Variants in CEP63 observed in about 807,000 individuals in gnomAD.
CEP63 encodes centrosomal protein 63, also known as centrosomal protein of 63 kDa.
CEP63 carries 84 observed loss-of-function variants against 89.1 expected under a neutral mutation model. The ratio of observed to expected loss-of-function variants is 0.94; its 90% CI spans 0.79 to 1.13. CEP63 has a LOEUF of 1.13. Among genes scored for constraint, CEP63 ranks in the 50% most tolerant of loss-of-function variants. The pLI, the probability that CEP63 is intolerant of heterozygous loss-of-function variation, is 0.00. For missense variants in CEP63, 838 were observed against 813.3 expected, an observed-to-expected ratio of 1.03 and a Z score of -0.37; for synonymous variants, 267 against 272.5, an observed-to-expected ratio of 0.98 and a Z score of 0.20.
the CEP63 span, among the ~76,000 whole-genome samples, chr3:134,767,334 T>C: frequency 3.3e-5 from 5 of 152,238 alleles, no homozygotes; most frequent in African/African-American, 1.2e-4. Flanking sequence ...TGAATTACCT[T>C]CCCCCTTCAA....
the CEP63 span, among the ~76,000 whole-genome samples, chr3:134,652,657 C>CAT: frequency 1.7e-5 from 2 of 116,870 alleles, no homozygotes; most frequent in African/African-American, 5.8e-5. Flanking sequence ...CACACACACA[C>CAT]GCGCGCGCGC....
At chr3:134,607,036 T>A in the CEP63 span, 5 of 985,136 alleles carry the variant, frequency 5.1e-6, no homozygotes, top group Non-Finnish European at 6.0e-6. Context: ...TTTAGATTTC[T>A]ATAAATTAAG....
chr3:134,650,932 A>G, the CEP63 span: 1 of 1,613,324 alleles, frequency 6.2e-7, no homozygotes, highest in Non-Finnish European at 8.5e-7. Context: ...GTCGATAGAT[A>G]CAGCGTTGAT....
At chr3:134,507,503 A>G (rs972995631) in intron 3 of CEP63, among the ~76,000 whole-genome samples, 9 of 152,194 alleles carry the variant, frequency 5.9e-5, no homozygotes, top group African/African-American at 2.2e-4. Context: ...TTGGTTACAT[A>G]TAATATATAC....
chr3:134,719,871 C>T, the CEP63 span, among the ~76,000 whole-genome samples: 1 of 152,178 alleles, frequency 6.6e-6, no homozygotes, highest in Non-Finnish European at 1.5e-5. Flanking sequence ...ATCAACTCAT[C>T]AACGAATGAA....
At chr3:134,507,455 A>G (rs1452799409) in intron 3 of CEP63, among the ~76,000 whole-genome samples, 169 bp downstream of exon 3, 1 of 152,194 alleles carries the variant, frequency 6.6e-6, no homozygotes, top group Admixed American at 6.5e-5. Flanking sequence ...GTGAAAATGT[A>G]TAAGAATGTT....
chr3:134,635,684 T>C, the CEP63 span, among the ~76,000 whole-genome samples: 1 of 151,996 alleles, frequency 6.6e-6, no homozygotes, highest in Admixed American at 6.6e-5. Flanking sequence ...TCTATGCATG[T>C]GTTAGCAATC....
the CEP63 span, among the ~76,000 whole-genome samples, chr3:134,658,540 A>G: frequency 6.6e-6 from 1 of 152,302 alleles, no homozygotes; most frequent in African/African-American, 2.4e-5. Flanking sequence ...TGTTTGTTGA[A>G]CACAGAAAGT....
chr3:134,549,246 A>G (rs1954280883), intron 10 of CEP63, 70 bp downstream of exon 10: 2 of 937,536 alleles, frequency 2.1e-6, no homozygotes, highest in African/African-American at 1.6e-5. Context: ...TTGGGAGATT[A>G]TAGGGGTTAT....
chr3:134,662,689 G>A, the CEP63 span, among the ~76,000 whole-genome samples: 4 of 152,224 alleles, frequency 2.6e-5, no homozygotes, highest in Admixed American at 2.6e-4. Flanking sequence ...GCATCAGAGT[G>A]GAGTTTGAAG....
At chr3:134,658,202 T>C in the CEP63 span, among the ~76,000 whole-genome samples, 1 of 152,218 alleles carries the variant, frequency 6.6e-6, no homozygotes. Flanking sequence ...GGCTGATACA[T>C]GGTAACCCTT....
In CEP63 at chr3:134,545,684, C is replaced by T. The variant is rs1953131116; in HGVS notation, c.654C>T (p.Asp218=). 4 of 1,614,122 alleles carry T rather than the reference C, an allele frequency of 2.5e-6. No homozygotes were observed. The highest frequency in any genetic ancestry group is 3.4e-6 in the Non-Finnish European group (4 of 1,179,988). The change falls in exon 7 of 15, where the codon GAC becomes GAT. Residue 218 remains aspartate (D), a synonymous_variant. Coordinates refer to ENST00000675561, the MANE Select transcript of CEP63 (RefSeq NM_001353108.3). The part of the protein sequence containing the change: ...HLSSKLERAN[D]TICANELEIE... ...GCAGTAAACTGGAGCGGGCTAATGA[C>T]ACTATCTGTGCCAATGAGTTGGAAA... is the stretch of plus-strand genomic sequence containing the variant.
the CEP63 span, among the ~76,000 whole-genome samples, chr3:134,655,828 C>G: frequency 6.6e-6 from 1 of 152,168 alleles, no homozygotes; most frequent in Non-Finnish European, 1.5e-5. Flanking sequence ...AGCTCAAGCC[C>G]TGAGCTGGGC....
chr3:134,549,303 G>T, intron 10 of CEP63, 127 bp downstream of exon 10: 1 of 664,240 alleles, frequency 1.5e-6, no homozygotes. Context: ...TGATATTTAG[G>T]AGTGGAAGAG....
At chr3:134,557,194 C>T (rs761975871) in intron 12 of CEP63, among the ~76,000 whole-genome samples, 5 of 151,886 alleles carry the variant, frequency 3.3e-5, no homozygotes, top group African/African-American at 7.3e-5. Flanking sequence ...CATTTTAACT[C>T]GTATGTCCTG....
intron 8 of CEP63, 46 bp downstream of exon 8, chr3:134,546,334 A>G (rs1560004388): frequency 6.5e-7 from 1 of 1,530,206 alleles, no homozygotes; most frequent in South Asian, 1.1e-5. Flanking sequence ...CTTAATGACT[A>G]GGTATTAAGC....
chr3:134,684,016 A>G, the CEP63 span, among the ~76,000 whole-genome samples: 1 of 152,166 alleles, frequency 6.6e-6, no homozygotes, highest in Admixed American at 6.5e-5. Context: ...AATGGGGTGC[A>G]TAGTAACAAT....
chr3:134,585,221 T>C (rs1481685787), intron 10 of CEP63, among the ~76,000 whole-genome samples: 1 of 152,088 alleles, frequency 6.6e-6, no homozygotes, highest in Non-Finnish European at 1.5e-5. Context: ...ATTTCTTGCC[T>C]TCTGCTAGCT....
At chr3:134,656,791 G>A in the CEP63 span, among the ~76,000 whole-genome samples, 11 of 152,256 alleles carry the variant, frequency 7.2e-5, no homozygotes, top group East Asian at 2.1e-3. Context: ...AGACTCAGGC[G>A]ACCCATCTGG....
Sources: gnomAD v4.1 joint callset for allele counts (sites outside exome capture counted in the v4.1 genomes callset) on GRCh38, gnomAD v4.1.1 for gene constraint, MANE v1.5 for transcripts, NCBI Gene and HGNC (gene_info 2026-07-23, HGNC 2026-07-21) for gene names.